Variants in RCC1 observed in about 807,000 individuals in gnomAD.
The protein encoded by RCC1 is regulator of chromosome condensation 1, also known as regulator of chromosome condensation.
RCC1 carries 11 observed loss-of-function variants against 44.4 expected under a neutral mutation model. The observed-to-expected ratio is 0.25, with a 90% CI of 0.16 to 0.41. The LOEUF (loss-of-function observed/expected upper bound fraction) is 0.41. Ranked by LOEUF, RCC1 falls within the 10% of genes least tolerant of loss-of-function variation. The probability of loss-of-function intolerance (pLI) is 1.00; values close to 1 mark genes in which losing one functional copy is unlikely to be tolerated. For synonymous variants in RCC1, 213 were observed against 216.5 expected (o/e 0.98, Z 0.14); for missense variants, 386 against 547.1 (o/e 0.71, Z 2.94).
At chr1:28,508,803 G>C (rs376433462) in intron 2 of RCC1, 27 bp from the exon 3 acceptor site, 1 of 517,910 alleles carries the variant, frequency 1.9e-6, no homozygotes, top group East Asian at 5.5e-5. Flanking sequence ...ATCTTCAGGA[G>C]TCTAATCATT....
At chr1:28,511,823 G>A (rs1662562726) in intron 3 of RCC1, among the ~76,000 whole-genome samples, 1 of 150,332 alleles carries the variant, frequency 6.7e-6, no homozygotes, top group Non-Finnish European at 1.5e-5. Flanking sequence ...ACCATGCCCG[G>A]CTAATTTTTT....
At position 28,537,882 on chromosome 1, in the gene RCC1, C is replaced by G. The variant is rs1268713282; in HGVS notation, c.1141C>G (p.Gln381Glu). The G allele has an allele frequency of 1.2e-6, 2 of 1,613,468 alleles. No homozygotes were observed. Among genetic ancestry groups the G allele is most frequent in the African/African-American group, 2.7e-5 (2 of 74,924 alleles). ...MGTNYQLGTG[Q>E]DEDAWSPVEM... Reference sequence around the variant, plus strand: ...CACCAACTACCAGCTGGGCACAGGGCAGGATGAGGACGCCTGGAGCCCTGT... The same window carrying G: ...CACCAACTACCAGCTGGGCACAGGGGAGGATGAGGACGCCTGGAGCCCTGT... Residue 381 changes from glutamine (Q) to glutamate (E), a missense_variant, in exon 13 of 13, where the codon CAG (glutamine) becomes GAG (glutamate). Gln to Glu is a conservative substitution (Grantham distance 29). Coordinates refer to ENST00000683442, the MANE Select transcript of RCC1 (RefSeq NM_001381865.2).
chr1:28,509,281 A>G, intron 3 of RCC1: 2 of 190,150 alleles, frequency 1.1e-5, no homozygotes, highest in Admixed American at 1.1e-4. Context: ...TTATATTAAA[A>G]GTCCTTGAGT....
chr1:28,511,973 ATCCT>A (rs1192173232), intron 3 of RCC1, among the ~76,000 whole-genome samples: 1 of 118,730 alleles, frequency 8.4e-6, no homozygotes, highest in African/African-American at 3.8e-5. Flanking sequence ...CTCAAGCCTG[ATCCT>A]TTTTTTTTTT....
chr1:28,526,130 T>C (rs1309762995), intron 4 of RCC1, among the ~76,000 whole-genome samples: 1 of 151,866 alleles, frequency 6.6e-6, no homozygotes, highest in Admixed American at 6.6e-5. Flanking sequence ...ACAAAATATA[T>C]AAAAATTAGC....
intron 5 of RCC1, among the ~76,000 whole-genome samples, chr1:28,531,269 T>TTTC (rs1190132766): frequency 6.8e-6 from 1 of 147,356 alleles, no homozygotes; most frequent in Non-Finnish European, 1.5e-5. Flanking sequence ...CTTTTTCTTT[T>TTTC]TTTTTTTTTT....
chr1:28,508,570 A>T (rs1414514645), intron 2 of RCC1: 2 of 518,496 alleles, frequency 3.9e-6, no homozygotes, highest in Admixed American at 1.9e-5. Flanking sequence ...CAACGTGGAT[A>T]CCCTGGGAGG....
At chr1:28,512,617 CT>C (rs1662632423) in intron 3 of RCC1, among the ~76,000 whole-genome samples, 1 of 151,814 alleles carries the variant, frequency 6.6e-6, no homozygotes, top group Admixed American at 6.6e-5. Flanking sequence ...TTCTTTTTTT[CT>C]AATGTAGGCA....
chr1:28,526,729 C>T, intron 4 of RCC1: 1 of 522,988 alleles, frequency 1.9e-6, no homozygotes, highest in Non-Finnish European at 3.4e-6. Context: ...AATCCCATCT[C>T]TACTAAAAAT....
intron 1 of RCC1, chr1:28,507,302 G>C (rs990922880): frequency 7.9e-6 from 4 of 508,610 alleles, no homozygotes; most frequent in Admixed American, 5.9e-5. Flanking sequence ...AAGATCTGTA[G>C]TAACATGAAT....
chr1:28,535,188 C>T (rs1228269157), intron 8 of RCC1, 42 bp downstream of exon 8: 2 of 1,614,052 alleles, frequency 1.2e-6, no homozygotes, highest in Middle Eastern at 1.6e-4. Flanking sequence ...GTTGGAGGAC[C>T]TTGTTCTGGG....
In RCC1 at chr1:28,536,048, A is replaced by G; in HGVS notation, c.817+22A>G. ...CTTGGTGAGCCCCGAGCCCAGCTTC[A>G]GGCATGACCCAGTGGCCTGCGTTCC... On this transcript the variant is annotated intron_variant, in intron 10 of 12. Transcript: ENST00000683442. The surrounding 1 kb of genome is among the most constrained non-coding windows in gnomAD (Gnocchi z 4.9). 1 of 1,592,150 alleles carries G rather than the reference A, an allele frequency of 6.3e-7. No individual in the cohort carries two copies. The highest frequency in any genetic ancestry group is 8.6e-7 in the Non-Finnish European group (1 of 1,167,350).
chr1:28,532,103 G>T, intron 6 of RCC1, 68 bp from the exon 7 acceptor site: 1 of 1,579,028 alleles, frequency 6.3e-7, no homozygotes, highest in East Asian at 2.3e-5. Flanking sequence ...TAGTCAAGTG[G>T]GGAGTGGCCT....
chr1:28,521,932 T>A (rs1344332267), intron 4 of RCC1, among the ~76,000 whole-genome samples: 1 of 152,222 alleles, frequency 6.6e-6, no homozygotes, highest in East Asian at 1.9e-4. Flanking sequence ...ACTTGCTCTG[T>A]GAACTTAGGC....
intron 12 of RCC1, among the ~76,000 whole-genome samples, 159 bp downstream of exon 12, chr1:28,537,058 T>A (rs1341768660): frequency 1.3e-5 from 2 of 152,090 alleles, no homozygotes; most frequent in South Asian, 4.2e-4. Context: ...AGCTCTGGCA[T>A]TGATGAATAT....
At chr1:28,516,950 G>A (rs1387450370) in intron 4 of RCC1, 83 bp downstream of exon 4, 11 of 441,328 alleles carry the variant, frequency 2.5e-5, no homozygotes, top group Admixed American at 2.3e-4. Context: ...GCGAAACCCA[G>A]TCTCTACTAA....
Position 28,523,812 on chromosome 1 carries a change from G to C in RCC1, c.-9-6046G>C, listed in dbSNP as rs370019878. 2.2e-4 allele frequency among the ~76,000 whole-genome samples: 34 copies of C among 152,256 alleles called. No homozygotes were observed. In the South Asian group the frequency reaches 6.8e-3, roughly 31 times the overall value. On this transcript the variant is annotated intron_variant, in intron 4 of 12. Coordinates refer to ENST00000683442, the MANE Select transcript of RCC1 (RefSeq NM_001381865.2). ...GCATACAGCTGTCTATCTAAAACAA[G>C]GGTGCCTCTTTTTTTGGTGGAGGGA... is the stretch of plus-strand genomic sequence containing the variant.
intron 3 of RCC1, among the ~76,000 whole-genome samples, chr1:28,511,578 C>G (rs1462848190): frequency 6.6e-6 from 1 of 151,682 alleles, no homozygotes; most frequent in Non-Finnish European, 1.5e-5. Context: ...ACCATGTTAG[C>G]CAGGAAGGTC....
At chr1:28,509,082 CAT>C (rs1330968363) in intron 3 of RCC1, 177 bp downstream of exon 3, 4 of 358,412 alleles carry the variant, frequency 1.1e-5, no homozygotes, top group Non-Finnish European at 2.2e-5. Flanking sequence ...GGATTACAAA[CAT>C]AAGCCACCAC....
Sources: gnomAD v4.1 joint callset for allele counts (sites outside exome capture counted in the v4.1 genomes callset) on GRCh38, gnomAD v4.1.1 for gene constraint, Gnocchi (gnomAD v3.1) non-coding constraint, MANE v1.5 for transcripts, NCBI Gene and HGNC (gene_info 2026-07-23, HGNC 2026-07-21) for gene names.